The following TOP1MT variants were observed in gnomAD, a reference collection of about 807,000 sequenced individuals.
TOP1MT encodes DNA topoisomerase I mitochondrial.
In TOP1MT, 80 loss-of-function variants were observed where a neutral mutation model predicts 73.9. The ratio of observed to expected loss-of-function variants is 1.08; its 90% CI spans 0.90 to 1.30. The LOEUF (loss-of-function observed/expected upper bound fraction) is 1.30. Ranked by LOEUF, TOP1MT falls within the 50% of genes most tolerant of loss-of-function variation. The pLI, the probability that TOP1MT is intolerant of heterozygous loss-of-function variation, is 0.00. For synonymous variants in TOP1MT, 338 were observed against 326.4 expected (o/e 1.04, Z -0.38); for missense variants, 815 against 808.0 (o/e 1.01, Z -0.10).
In TOP1MT at chr8:143,324,156, A is replaced by T. The variant is rs749453847; in HGVS notation, c.817-14T>A. ...AGCTGTCTCCCCCTAAACGAAGAAA[A>T]TAACAGGAAAGAAAACATTCACATT... is the stretch of plus-strand genomic sequence containing the variant. On this transcript the variant is annotated splice_polypyrimidine_tract_variant and intron_variant, in intron 6 of 13. Transcript: ENST00000329245. 1.7e-5 allele frequency: 28 copies of T among 1,612,396 alleles called. No homozygotes were observed. The highest frequency in any genetic ancestry group is 2.3e-5 in the Non-Finnish European group (27 of 1,179,474).
upstream of TOP1MT, chr8:143,359,376 TG>T: frequency 1.0e-6 from 1 of 985,398 alleles, no homozygotes; most frequent in Non-Finnish European, 1.2e-6. Flanking sequence ...AGAAAGGCCC[TG>T]GGGCAAAGCG....
At position 143,325,356 on chromosome 8, in the gene TOP1MT, T is replaced by G. The variant is rs144026151; in HGVS notation, c.661A>C (p.Asn221His). 6 of 1,591,988 alleles carry G rather than the reference T, an allele frequency of 3.8e-6. No individual in the cohort carries two copies. The highest frequency in any genetic ancestry group is 1.3e-5 in the African/African-American group (1 of 74,504). Reference protein sequence around the residue: ...RRITPEDVVINCSRDSKIPEP... With the variant: ...RRITPEDVVIHCSRDSKIPEP... ...CGCCCGGCCACGCACCTGCTGCAGT[T>G]GATAACCACATCCTCTGGCGTGATC... The change falls in exon 5 of 14, where the codon AAC (asparagine) becomes CAC (histidine). Residue 221 changes from asparagine to histidine, a missense_variant. Asn to His is a moderately conservative substitution (Grantham distance 68, BLOSUM62 1). Coordinates refer to ENST00000329245, the MANE Select transcript of TOP1MT (RefSeq NM_052963.3).
intron 4 of TOP1MT, among the ~76,000 whole-genome samples, 198 bp downstream of exon 4, chr8:143,326,024 C>T (rs565987277): frequency 6.3e-4 from 96 of 152,312 alleles, no homozygotes; most frequent in African/African-American, 2.0e-3. Flanking sequence ...CATTTCAAAC[C>T]GGGTTTACTC....
chr8:143,321,136 C>G, intron 8 of TOP1MT, 65 bp downstream of exon 8: 2 of 1,468,772 alleles, frequency 1.4e-6, no homozygotes, highest in Non-Finnish European at 1.8e-6. Flanking sequence ...AGCTCCGGCA[C>G]GCCCCCAGAC....
chr8:143,322,562 CACA>C (rs1454910292), intron 7 of TOP1MT, among the ~76,000 whole-genome samples: 1 of 132,982 alleles, frequency 7.5e-6, no homozygotes, highest in Admixed American at 7.6e-5. Flanking sequence ...GCACGCCACA[CACA>C]GACACGCCAC....
chr8:143,323,038 G>A (rs180958911), intron 7 of TOP1MT, among the ~76,000 whole-genome samples: 3,162 of 48,818 alleles, frequency 0.065, 74 homozygotes, highest in Middle Eastern at 0.094. Context: ...ACACATGCAC[G>A]CCACACAGGC....
rs746012309 is a variant in TOP1MT at position 143,309,550 on chromosome 8, G to T, written c.1704-7C>A. ...CACCCTGAACCGCTTGCACCTGCGG[G>T]AGGCAGCATCAGCCCAGGCAAGCAG... On this transcript the variant is annotated splice_region_variant and splice_polypyrimidine_tract_variant and intron_variant, in intron 13 of 13. Coordinates refer to ENST00000329245, the MANE Select transcript of TOP1MT (RefSeq NM_052963.3). The T allele has an allele frequency of 6.2e-7, 1 of 1,613,526 alleles. No individual in the cohort carries two copies. Among genetic ancestry groups the T allele is most frequent in the South Asian group, 1.1e-5 (1 of 91,092 alleles).
intron 7 of TOP1MT, among the ~76,000 whole-genome samples, chr8:143,322,600 G>GGCAC (rs1816492744): frequency 1.6e-5 from 1 of 64,082 alleles, no homozygotes; most frequent in African/African-American, 5.9e-5. Context: ...CACACATGCA[G>GGCAC]GCCACACACA....
At position 143,333,081 on chromosome 8, in the gene TOP1MT, G is replaced by A. The variant is rs538698354; in HGVS notation, c.122+1659C>T. Among the ~76,000 whole-genome samples, 38 of 152,248 alleles carry A rather than the reference G, an allele frequency of 2.5e-4. 1 individual carries two copies. In the Middle Eastern group the frequency reaches 0.01, roughly 41 times the overall value. On this transcript the variant is annotated intron_variant, in intron 1 of 13. Transcript: ENST00000329245. ...CCTGAAGGATGCAAACCTAGACAAC[G>A]CCTTCTTAGAGAATAAGGGAAGATG...
intron 4 of TOP1MT, among the ~76,000 whole-genome samples, 179 bp downstream of exon 4, chr8:143,326,043 G>A (rs1369942859): frequency 1.3e-5 from 2 of 152,214 alleles, no homozygotes; most frequent in Non-Finnish European, 2.9e-5. Context: ...TCTCAAATGT[G>A]CTCTGGGGAA....
At chr8:143,349,068 G>T (rs555038978), upstream of TOP1MT, among the ~76,000 whole-genome samples, 3 of 152,272 alleles carry the variant, frequency 2.0e-5, no homozygotes, top group African/African-American at 7.2e-5. Flanking sequence ...CTCTCCTCAG[G>T]AGGCAGGTTC....
chr8:143,318,092 G>T lies in TOP1MT; in HGVS notation c.1147-6C>A. On this transcript the variant is annotated splice_polypyrimidine_tract_variant and splice_region_variant and intron_variant, in intron 8 of 13. Coordinates refer to ENST00000329245, the MANE Select transcript of TOP1MT (RefSeq NM_052963.3). ...AGCTGTAAGTTCTTGTACACCTGAA[G>T]GAGAAAGAAGGAATTTCAGAGGACA... is the stretch of plus-strand genomic sequence containing the variant. 1 of 1,613,766 alleles carries T rather than the reference G, an allele frequency of 6.2e-7. No homozygotes were observed. Among genetic ancestry groups the T allele is most frequent in the South Asian group, 1.1e-5 (1 of 91,072 alleles).
chr8:143,327,639 A>C, intron 3 of TOP1MT: 1 of 276,176 alleles, frequency 3.6e-6, no homozygotes, highest in South Asian at 3.2e-5. Context: ...CTGCTTTGTG[A>C]CACTGCCTCC....
intron 10 of TOP1MT, among the ~76,000 whole-genome samples, chr8:143,316,335 T>A (rs1450853950): frequency 6.6e-6 from 1 of 152,156 alleles, no homozygotes; most frequent in Non-Finnish European, 1.5e-5. Context: ...GCAACAAGGC[T>A]TCACGTGGGG....
At position 143,353,963 on chromosome 8, in the gene TOP1MT, C is replaced by CAAAAAAA. The variant is rs1186472770; in HGVS notation, c.-39+1995_-39+2001dup. On this transcript the variant is annotated intron_variant, in intron 1 of 5. Coordinates refer to the TOP1MT transcript ENST00000518760. ...TGGGCGACAAAGAGAGACTCCATCCCAAAAAAAAAAAAAAAAAAAAAAAAA... is the reference window on the plus strand; with the variant it reads ...TGGGCGACAAAGAGAGACTCCATCCCAAAAAAAAAAAAAAAAAAAAAAAAAAAAAAAA... Among the ~76,000 whole-genome samples the CAAAAAAA allele has an allele frequency of 3.1e-3, 148 of 47,628 alleles. 30 individuals are homozygous for CAAAAAAA. The highest frequency in any genetic ancestry group is 0.015 in the African/African-American group (140 of 9,382). 31.2% of individuals were successfully genotyped at this position (47,628 alleles called of 152,430 possible).
chr8:143,337,245 T>C (rs1369616641), upstream of TOP1MT, among the ~76,000 whole-genome samples: 1 of 152,102 alleles, frequency 6.6e-6, no homozygotes, highest in Non-Finnish European at 1.5e-5. Context: ...AAAACGTCTC[T>C]ACTAAAAAAA....
rs1816947406 is a variant in TOP1MT, at chr8:143,334,772, G to GCCCGGGACAC, written c.80_89dup (p.Ser31CysfsTer52). ...CACTGCCCTTCTGCGTCCTGCGCGA[G>GCCCGGGACAC]CCCGGGACACCCCGGGAGGCCGGGC... On this transcript the variant is annotated frameshift_variant, in exon 1 of 14. Transcript: ENST00000329245. LOFTEE classifies it high-confidence loss of function. 1 of 1,594,974 alleles carries GCCCGGGACAC rather than the reference G, an allele frequency of 6.3e-7. No homozygotes were observed. The highest frequency in any genetic ancestry group is 8.5e-7 in the Non-Finnish European group (1 of 1,172,598).
upstream of TOP1MT, among the ~76,000 whole-genome samples, chr8:143,338,067 A>G (rs1817013012): frequency 6.6e-6 from 1 of 152,174 alleles, no homozygotes; most frequent in African/African-American, 2.4e-5. Flanking sequence ...AGGCGATTCT[A>G]CTGATGCTCC....
chr8:143,318,423 T>C (rs1816236927), intron 8 of TOP1MT, among the ~76,000 whole-genome samples: 1 of 152,210 alleles, frequency 6.6e-6, no homozygotes, highest in African/African-American at 2.4e-5. Context: ...ACCCTTGTAA[T>C]GTGAGACACT....
Sources: allele counts gnomAD v4.1 joint callset (sites outside exome capture counted in the v4.1 genomes callset), GRCh38; gene constraint gnomAD v4.1.1; transcripts MANE v1.5; gene names NCBI Gene and HGNC (gene_info 2026-07-23, HGNC 2026-07-21).